The following NSMCE2 variants were observed in gnomAD, a reference collection of about 807,000 sequenced individuals.
NSMCE2 encodes E3 SUMO-protein ligase NSE2.
In NSMCE2, 24 loss-of-function variants were observed where a neutral mutation model predicts 23.8. The observed-to-expected ratio is 1.01, with a 90% CI of 0.73 to 1.42. The LOEUF (loss-of-function observed/expected upper bound fraction) is 1.42. NSMCE2 is among the 40% of genes most tolerant of loss of function. The probability of loss-of-function intolerance (pLI) is 0.00; values close to 1 mark genes in which losing one functional copy is unlikely to be tolerated. For missense variants in NSMCE2, 284 were observed against 296.5 expected (o/e 0.96, Z 0.31); for synonymous variants, 92 against 94.1 (o/e 0.98, Z 0.13).
chr8:125,242,703 G>C (rs1005073657), intron 5 of NSMCE2, among the ~76,000 whole-genome samples: 5 of 152,140 alleles, frequency 3.3e-5, no homozygotes, highest in Non-Finnish European at 2.9e-5. Flanking sequence ...GGAAGAGGAG[G>C]GGGGACATAT....
chr8:125,214,184 G>T (rs935710383), intron 5 of NSMCE2, among the ~76,000 whole-genome samples: 1 of 152,162 alleles, frequency 6.6e-6, no homozygotes, highest in Non-Finnish European at 1.5e-5. Flanking sequence ...TAAATACCAG[G>T]TTGGTAGGCA....
intron 5 of NSMCE2, among the ~76,000 whole-genome samples, chr8:125,186,103 A>G (rs1410042950): frequency 6.6e-6 from 1 of 152,212 alleles, no homozygotes; most frequent in Non-Finnish European, 1.5e-5. Flanking sequence ...AATGATTTTT[A>G]TGTTTTTTAA....
chr8:125,325,165 C>T (rs1829614803), intron 5 of NSMCE2, among the ~76,000 whole-genome samples: 2 of 152,074 alleles, frequency 1.3e-5, no homozygotes, highest in Non-Finnish European at 2.9e-5. Context: ...ATTATAGTCT[C>T]AGTTACTCAG....
intron 3 of NSMCE2, among the ~76,000 whole-genome samples, chr8:125,145,014 C>A (rs72720547): frequency 0.096 from 14,559 of 152,064 alleles, 748 homozygotes; most frequent in African/African-American, 0.11. Flanking sequence ...GAAAATCATA[C>A]GCAGGCCAAC....
At chr8:125,128,428 T>C (rs544063039) in intron 3 of NSMCE2, among the ~76,000 whole-genome samples, 1 of 152,272 alleles carries the variant, frequency 6.6e-6, no homozygotes, top group South Asian at 2.1e-4. Context: ...CTTGATGGTT[T>C]ATTGAATATG....
chr8:125,201,462 G>A (rs1823870462), intron 5 of NSMCE2, among the ~76,000 whole-genome samples: 1 of 152,208 alleles, frequency 6.6e-6, no homozygotes, highest in Non-Finnish European at 1.5e-5. Flanking sequence ...TTTGCTGGAG[G>A]TCCATTCCAG....
Position 125,345,683 on chromosome 8 carries a change from G to T in NSMCE2, c.419-11536G>T, listed in dbSNP as rs115235431. The stretch of plus-strand genomic sequence containing the variant: ...GGAAATGCCTGAATTGAGTCTTGGA[G>T]GGTGGTCAGAGATTGCTAGGTGAAG... On this transcript the variant is annotated intron_variant, in intron 5 of 7. Transcript: ENST00000287437. Among the ~76,000 whole-genome samples, 680 of 152,344 alleles carry T rather than the reference G, an allele frequency of 4.5e-3. 3 individuals carry two copies. Among genetic ancestry groups the T allele is most frequent in the African/African-American group, 0.016 (653 of 41,580 alleles).
intron 4 of NSMCE2, among the ~76,000 whole-genome samples, chr8:125,168,470 A>G (rs1822008267): frequency 6.6e-6 from 1 of 152,254 alleles, no homozygotes; most frequent in African/African-American, 2.4e-5. Flanking sequence ...CTTATGAACA[A>G]CAGACATGTA....
chr8:125,183,294 T>G (rs1249318445), intron 5 of NSMCE2, among the ~76,000 whole-genome samples: 1 of 152,230 alleles, frequency 6.6e-6, no homozygotes, highest in Non-Finnish European at 1.5e-5. Context: ...TTTTGTCTAT[T>G]TTACAAATAA....
chr8:125,129,865 C>T (rs1016184551), intron 3 of NSMCE2, among the ~76,000 whole-genome samples: 9 of 151,670 alleles, frequency 5.9e-5, no homozygotes, highest in African/African-American at 2.2e-4. Context: ...TCCCATATAC[C>T]CATACCCTCA....
chr8:125,332,292 G>A (rs1465592787), intron 5 of NSMCE2, among the ~76,000 whole-genome samples: 1 of 152,210 alleles, frequency 6.6e-6, no homozygotes, highest in Non-Finnish European at 1.5e-5. Flanking sequence ...TGGCAGATTT[G>A]CTGAGTCTTC....
chr8:125,274,693 G>T (rs1312907785), intron 5 of NSMCE2, among the ~76,000 whole-genome samples: 1 of 152,130 alleles, frequency 6.6e-6, no homozygotes, highest in Non-Finnish European at 1.5e-5. Context: ...ACTTTGGGAG[G>T]CCAAGGCAGG....
intron 3 of NSMCE2, among the ~76,000 whole-genome samples, chr8:125,124,950 ACAC>A (rs1819443305): frequency 6.6e-6 from 1 of 151,894 alleles, no homozygotes; most frequent in Admixed American, 6.6e-5. Context: ...GCCCGCCATC[ACAC>A]CTGACTATGT....
chr8:125,124,534 A>G, intron 3 of NSMCE2, among the ~76,000 whole-genome samples: 1 of 151,258 alleles, frequency 6.6e-6, no homozygotes, highest in Non-Finnish European at 1.5e-5. Flanking sequence ...GCTGAAGTTC[A>G]GTGGGGTGAT....
chr8:125,160,999 A>G (rs981080026), intron 4 of NSMCE2, among the ~76,000 whole-genome samples: 1 of 152,226 alleles, frequency 6.6e-6, no homozygotes, highest in Non-Finnish European at 1.5e-5. Flanking sequence ...ATCTCTATAC[A>G]TTGCTGACAA....
intron 5 of NSMCE2, among the ~76,000 whole-genome samples, chr8:125,281,838 C>T (rs939967216): frequency 6.6e-6 from 1 of 151,958 alleles, no homozygotes; most frequent in African/African-American, 2.4e-5. Context: ...CTTCTGCCTC[C>T]CAAAGTGCTG....
intron 3 of NSMCE2, among the ~76,000 whole-genome samples, chr8:125,108,546 A>T (rs1241746387): frequency 6.6e-6 from 1 of 152,228 alleles, no homozygotes; most frequent in Non-Finnish European, 1.5e-5. Context: ...TCTGTGAAAT[A>T]GGATTAAAAT....
chr8:125,185,304 A>T, intron 5 of NSMCE2, among the ~76,000 whole-genome samples: 1 of 148,738 alleles, frequency 6.7e-6, no homozygotes, highest in Middle Eastern at 3.4e-3. Flanking sequence ...TACATTTTAA[A>T]TTTTTTTTTT....
intron 1 of NSMCE2, among the ~76,000 whole-genome samples, chr8:125,100,106 G>A (rs55992026): frequency 0.12 from 17,657 of 152,030 alleles, 1,193 homozygotes; most frequent in African/African-American, 0.18. Flanking sequence ...ATGCTGATAG[G>A]TGGAGAGGTA....
Sources: gnomAD v4.1 joint callset for allele counts (sites outside exome capture counted in the v4.1 genomes callset) on GRCh38, gnomAD v4.1.1 for gene constraint, MANE v1.5 for transcripts, NCBI Gene and HGNC (gene_info 2026-07-23, HGNC 2026-07-21) for gene names.